Variants in FRMD5 observed in about 807,000 individuals in gnomAD.
The protein encoded by FRMD5 is FERM domain containing 5.
A neutral mutation model predicts 69.0 loss-of-function variants in FRMD5; 20 were observed. The observed-to-expected ratio is 0.29, with a 90% CI of 0.20 to 0.42. The LOEUF is 0.42. Ranked by LOEUF, FRMD5 falls within the 10% of genes least tolerant of loss-of-function variation. The pLI, the probability that FRMD5 is intolerant of heterozygous loss-of-function variation, is 1.00. For synonymous variants in FRMD5, 271 were observed against 260.1 expected (o/e 1.04, Z -0.40); for missense variants, 595 against 708.6 (o/e 0.84, Z 1.82).
At chr15:44,098,128 A>ACAAAAAAAC (rs2076581869) in intron 1 of FRMD5, among the ~76,000 whole-genome samples, 2 of 150,762 alleles carry the variant, frequency 1.3e-5, no homozygotes, top group African/African-American at 2.4e-5. Context: ...AAAAAAAAAA[A>ACAAAAAAAC]CTAAACAACA....
Position 43,888,795 on chromosome 15 carries a change from A to G in FRMD5, c.792+14T>C. On this transcript the variant is annotated intron_variant, in intron 9 of 13. Transcript: ENST00000417257. ...ACCCCAGCCCTCCTTGAAGAGAAGG[A>G]AGCCAGCACTCACCTCTTTCTGACT... 2.5e-6 allele frequency: 4 copies of G among 1,610,700 alleles called. No individual in the cohort carries two copies. Among genetic ancestry groups the G allele is most frequent in the Non-Finnish European group, 3.4e-6 (4 of 1,176,908 alleles).
At position 43,986,718 on chromosome 15, in the gene FRMD5, A is replaced by ATT. The variant is rs35426062; in HGVS notation, c.103-62411_103-62410dup. 1.6e-3 allele frequency among the ~76,000 whole-genome samples: 237 copies of ATT among 147,796 alleles called. 1 individual carries two copies. The highest frequency in any genetic ancestry group is 6.0e-3 in the South Asian group (28 of 4,680). On this transcript the variant is annotated intron_variant, in intron 1 of 13. Transcript: ENST00000417257. ...GGCAAGTACTGTTAAAGTACTTGGG[A>ATT]TTTTTTTTTTTTATAAATACGGACA... is the stretch of plus-strand genomic sequence containing the variant.
intron 1 of FRMD5, among the ~76,000 whole-genome samples, chr15:44,055,162 C>T (rs1892821878): frequency 6.6e-6 from 1 of 151,714 alleles, no homozygotes; most frequent in African/African-American, 2.4e-5. Flanking sequence ...ATCTGAAATG[C>T]AGCCCTGCTT....
intron 1 of FRMD5, among the ~76,000 whole-genome samples, chr15:44,163,910 T>C (rs1479969600): frequency 3.9e-5 from 6 of 152,236 alleles, no homozygotes; most frequent in Non-Finnish European, 8.8e-5. Context: ...CACTTCATTC[T>C]GTATAGGCCA....
intron 5 of FRMD5, among the ~76,000 whole-genome samples, chr15:43,906,746 C>T (rs112149167): frequency 0.16 from 20,510 of 125,632 alleles, 4,761 homozygotes; most frequent in African/African-American, 0.56. Flanking sequence ...GGACTACAGG[C>T]GCCTGCCACC....
At chr15:44,025,974 C>G (rs1164866251) in intron 1 of FRMD5, among the ~76,000 whole-genome samples, 1 of 152,172 alleles carries the variant, frequency 6.6e-6, no homozygotes, top group African/African-American at 2.4e-5. Context: ...CTCCTTAATT[C>G]CTTTTTTTGG....
At chr15:43,899,062 G>A (rs2088983033) in intron 7 of FRMD5, among the ~76,000 whole-genome samples, 1 of 152,162 alleles carries the variant, frequency 6.6e-6, no homozygotes, top group African/African-American at 2.4e-5. Context: ...CCTCCCTAGG[G>A]CTGCATGCCC....
At chr15:44,138,407 AG>A (rs1160811681) in intron 1 of FRMD5, among the ~76,000 whole-genome samples, 1 of 152,228 alleles carries the variant, frequency 6.6e-6, no homozygotes, top group Non-Finnish European at 1.5e-5. Context: ...AGTGCCATAA[AG>A]AAATATCACC....
intron 1 of FRMD5, among the ~76,000 whole-genome samples, chr15:44,072,740 T>C (rs1893593594): frequency 6.6e-6 from 1 of 152,186 alleles, no homozygotes; most frequent in South Asian, 2.1e-4. Flanking sequence ...ATGGCAAATA[T>C]TGTCCCTTTC....
At chr15:44,079,786 T>C (rs761696586) in intron 1 of FRMD5, among the ~76,000 whole-genome samples, 4 of 151,948 alleles carry the variant, frequency 2.6e-5, no homozygotes, top group Admixed American at 2.0e-4. Context: ...TGAAAGGAAA[T>C]GGAATATTAT....
chr15:44,171,780 T>C (rs900065013), intron 1 of FRMD5, among the ~76,000 whole-genome samples: 1 of 152,208 alleles, frequency 6.6e-6, no homozygotes, highest in African/African-American at 2.4e-5. Context: ...CTGCTGGCTT[T>C]TGAGACAGAG....
chr15:43,938,702 C>T (rs1192946894), intron 1 of FRMD5, among the ~76,000 whole-genome samples: 2 of 152,144 alleles, frequency 1.3e-5, no homozygotes, highest in Admixed American at 6.6e-5. Context: ...TGGGCTTCTC[C>T]AAGAAGGTAC....
intron 1 of FRMD5, among the ~76,000 whole-genome samples, chr15:43,995,062 T>C (rs900442742): frequency 3.3e-5 from 5 of 152,162 alleles, no homozygotes; most frequent in Non-Finnish European, 7.3e-5. Flanking sequence ...TCAGCATCTG[T>C]GGGGAATTGG....
intron 1 of FRMD5, among the ~76,000 whole-genome samples, chr15:44,094,346 T>C (rs963314274): frequency 6.6e-6 from 1 of 152,160 alleles, no homozygotes; most frequent in Non-Finnish European, 1.5e-5. Flanking sequence ...TTCCAGTCTC[T>C]CTCTGAGGCC....
intron 1 of FRMD5, among the ~76,000 whole-genome samples, chr15:44,058,340 C>T (rs562517243): frequency 2.0e-5 from 3 of 152,156 alleles, no homozygotes; most frequent in Admixed American, 6.5e-5. Context: ...TGCCTCAGAC[C>T]GGAAGCTGGG....
intron 1 of FRMD5, among the ~76,000 whole-genome samples, chr15:44,012,607 G>A (rs545621794): frequency 1.3e-5 from 2 of 152,214 alleles, no homozygotes; most frequent in South Asian, 2.1e-4. Flanking sequence ...GAGAAGTGTT[G>A]TGGGTGGCAC....
intron 4 of FRMD5, among the ~76,000 whole-genome samples, chr15:43,910,790 A>G (rs638224): frequency 5.9e-5 from 9 of 152,088 alleles, no homozygotes; most frequent in African/African-American, 2.2e-4. Flanking sequence ...ACATGCAATA[A>G]CTTATTTAAT....
At chr15:44,007,814 T>C (rs1264234502) in intron 1 of FRMD5, among the ~76,000 whole-genome samples, 1 of 151,908 alleles carries the variant, frequency 6.6e-6, no homozygotes, top group Non-Finnish European at 1.5e-5. Flanking sequence ...CCGGCTAATT[T>C]TGTATTTTCA....
chr15:44,034,928 C>T (rs1475873023), intron 1 of FRMD5, among the ~76,000 whole-genome samples: 1 of 152,130 alleles, frequency 6.6e-6, no homozygotes, highest in Non-Finnish European at 1.5e-5. Flanking sequence ...TATCCAATCC[C>T]TTCTTTTTGA....
Sources: allele counts gnomAD v4.1 joint callset (sites outside exome capture counted in the v4.1 genomes callset), GRCh38; gene constraint gnomAD v4.1.1; transcripts MANE v1.5; gene names NCBI Gene and HGNC (gene_info 2026-07-23, HGNC 2026-07-21).